The following CCDC127 variants were observed in gnomAD, a reference collection of about 807,000 sequenced individuals.
CCDC127 encodes the protein coiled-coil domain containing 127.
CCDC127 carries 2 observed loss-of-function variants against 4.1 expected under a neutral mutation model. The observed-to-expected ratio is 0.49, with a 90% CI of 0.20 to 1.53. CCDC127 has a LOEUF of 1.53. CCDC127 is among the 40% of genes most tolerant of loss of function. The pLI is 0.23. For missense variants in CCDC127, 271 were observed against 322.9 expected, an observed-to-expected ratio of 0.84 and a Z score of 1.23; for synonymous variants, 98 against 120.4, an observed-to-expected ratio of 0.81 and a Z score of 1.22.
intron 2 of CCDC127, among the ~76,000 whole-genome samples, chr5:207,811 G>A (rs945510005): frequency 5.9e-5 from 9 of 152,110 alleles, no homozygotes; most frequent in African/African-American, 2.2e-4. Flanking sequence ...GAGGGGTGGC[G>A]CCGAATCAAG....
chr5:215,943 C>T (rs1734372017), intron 2 of CCDC127: 1 of 142,458 alleles, frequency 7.0e-6, no homozygotes, highest in South Asian at 2.1e-4. Context: ...AAAGTGGTGC[C>T]AAGTCAATCT....
intron 2 of CCDC127, chr5:215,150 T>C (rs1038214665): frequency 1.3e-5 from 2 of 152,204 alleles, no homozygotes; most frequent in African/African-American, 4.8e-5. Flanking sequence ...TAGACTACAC[T>C]AGGGGCTGGT....
intron 2 of CCDC127, among the ~76,000 whole-genome samples, chr5:210,221 G>A (rs1204807127): frequency 3.3e-5 from 5 of 152,176 alleles, no homozygotes; most frequent in Non-Finnish European, 7.3e-5. Context: ...AAACCTTCAG[G>A]ATCTAGAGCT....
intron 1 of CCDC127, among the ~76,000 whole-genome samples, chr5:217,599 C>T (rs1288951645): frequency 1.3e-5 from 2 of 151,958 alleles, no homozygotes; most frequent in Non-Finnish European, 2.9e-5. Flanking sequence ...AAAGGGTCTT[C>T]TGATCAGAAG....
chr5:215,094 T>C (rs1158074644), intron 2 of CCDC127: 3 of 151,980 alleles, frequency 2.0e-5, no homozygotes, highest in Non-Finnish European at 4.4e-5. Context: ...CATCAATAAA[T>C]CAACCAATAG....
At position 205,056 on chromosome 5, in the gene CCDC127, C is replaced by A; in HGVS notation, c.*241G>T. 2.0e-6 allele frequency: 1 copy of A among 492,966 alleles called. No individual in the cohort carries two copies. 30.5% of individuals were successfully genotyped at this position (492,966 alleles called of 1,614,324 possible). A position where few individuals can be genotyped will look rare whatever the true frequency, so the allele number is the denominator to read the frequency against. ...ACTGTTCTGCTTAATACAATACTGG[C>A]AGCCTAAAAATGCTTCAAGAAACCA... On this transcript the variant is annotated 3_prime_UTR_variant, in exon 3 of 3. Coordinates refer to ENST00000296824, the MANE Select transcript of CCDC127 (RefSeq NM_145265.3).
chr5:202,944 T>G lies in CCDC127; in HGVS notation c.*2353A>C, dbSNP rs1010393766. 6 of 152,118 alleles carry G rather than the reference T, an allele frequency of 3.9e-5. No individual in the cohort carries two copies. The highest frequency in any genetic ancestry group is 2.1e-4 in the South Asian group (1 of 4,820). 9.4% of individuals were successfully genotyped at this position (152,118 alleles called of 1,614,324 possible). On this transcript the variant is annotated 3_prime_UTR_variant, in exon 3 of 3. Coordinates refer to ENST00000296824, the MANE Select transcript of CCDC127 (RefSeq NM_145265.3). ...GTCCAGATTTACCGAAAAAATGACT[T>G]TTTAGGGGCCGGGTGCCGTGGCCCA...
In CCDC127 at chr5:203,398, C is replaced by G. The variant is rs1018863800; in HGVS notation, c.*1899G>C. 6.6e-6 allele frequency: 1 copy of G among 152,250 alleles called. No individual in the cohort carries two copies. Among genetic ancestry groups the G allele is most frequent in the African/African-American group, 2.4e-5 (1 of 41,448 alleles). The allele number at this position is 152,250 out of a possible 1,614,324, so 9.4% of individuals were successfully genotyped here. On this transcript the variant is annotated 3_prime_UTR_variant, in exon 3 of 3. Coordinates refer to ENST00000296824, the MANE Select transcript of CCDC127 (RefSeq NM_145265.3). The stretch of plus-strand genomic sequence containing the variant: ...GGGTGAAGCATCTGAGCACCCTTAG[C>G]AGGGCGTGGGTGCCGAGAGCAGAGC...
rs1734009442 is a variant in CCDC127, at chr5:198,507, G to T, written c.*6790C>A. Reference sequence around the variant, plus strand: ...TGTCCTGAGGCCTGGGATTGGGCAGGGCACACAGGAGCCCACTGGTGTCAG... The same window carrying T: ...TGTCCTGAGGCCTGGGATTGGGCAGTGCACACAGGAGCCCACTGGTGTCAG... On this transcript the variant is annotated 3_prime_UTR_variant, in exon 3 of 3. Transcript: ENST00000296824. The T allele has an allele frequency of 6.6e-6, 1 of 152,278 alleles. No homozygotes were observed. The highest frequency in any genetic ancestry group is 1.5e-5 in the Non-Finnish European group (1 of 68,078). 9.4% of individuals were successfully genotyped at this position (152,278 alleles called of 1,614,324 possible).
rs1035780222 is a variant in CCDC127, at chr5:197,255, A to G, written c.*8042T>C. The G allele has an allele frequency of 3.9e-5, 6 of 152,212 alleles. No individual in the cohort carries two copies. Among genetic ancestry groups the G allele is most frequent in the African/African-American group, 1.4e-4 (6 of 41,436 alleles). 9.4% of individuals were successfully genotyped at this position (152,212 alleles called of 1,614,324 possible). A position where few individuals can be genotyped will look rare whatever the true frequency, so the allele number is the denominator to read the frequency against. On this transcript the variant is annotated 3_prime_UTR_variant, in exon 3 of 3. Transcript: ENST00000296824. Reference sequence around the variant, plus strand: ...GTACAATCGGGTTTTACACCGCGACATTCAGTTCCCAGCGGCGAGCAGGAG... The same window carrying G: ...GTACAATCGGGTTTTACACCGCGACGTTCAGTTCCCAGCGGCGAGCAGGAG...
At chr5:217,352 CA>C (rs1181415027) in intron 1 of CCDC127, 2 of 157,028 alleles carry the variant, frequency 1.3e-5, no homozygotes, top group Non-Finnish European at 2.8e-5. Flanking sequence ...TGCTCAGATA[CA>C]TGGTTAAGCA....
At chr5:207,968 GT>G (rs1358747902) in intron 2 of CCDC127, among the ~76,000 whole-genome samples, 1 of 152,078 alleles carries the variant, frequency 6.6e-6, no homozygotes, top group Non-Finnish European at 1.5e-5. Flanking sequence ...GTGGTTACTG[GT>G]AAGTTTTTGG....
chr5:213,775 A>C lies in CCDC127; in HGVS notation c.121+2954T>G, dbSNP rs1050161630. The C allele has an allele frequency of 2.2e-5, 3 of 138,688 alleles. No homozygotes were observed. In the East Asian group the frequency reaches 5.8e-4, roughly 27 times the overall value. 8.6% of individuals were successfully genotyped at this position (138,688 alleles called of 1,614,324 possible). ...ACCTAAAACGGTGCAGCAACTCGGG[A>C]AACATTTCAGCCCTTCTTAAAAAAC... On this transcript the variant is annotated intron_variant, in intron 2 of 2. Transcript: ENST00000296824.
In CCDC127 at chr5:205,360, G is replaced by A. The variant is rs745859188; in HGVS notation, c.720C>T (p.Tyr240=). 3.7e-6 allele frequency: 6 copies of A among 1,614,050 alleles called. No individual in the cohort carries two copies. The South Asian group carries it at 6.6e-5, about 18-fold the overall frequency. ...NGRLMWLYLK[Y]WELVVELKKF... ...TCTTCAGTTCGACAACGAGTTCCCA[G>A]TATTTGAGATAGAGCCACATGAGTC... Residue 240 remains tyrosine, a synonymous_variant, in exon 3 of 3, where the codon TAC becomes TAT. Transcript: ENST00000296824.
rs563443456 is a variant in CCDC127 at position 197,256 on chromosome 5, T to C, written c.*8041A>G. On this transcript the variant is annotated 3_prime_UTR_variant, in exon 3 of 3. Coordinates refer to ENST00000296824, the MANE Select transcript of CCDC127 (RefSeq NM_145265.3). ...TACAATCGGGTTTTACACCGCGACA[T>C]TCAGTTCCCAGCGGCGAGCAGGAGA... 2 of 152,332 alleles carry C rather than the reference T, an allele frequency of 1.3e-5. No homozygotes were observed. Among genetic ancestry groups the C allele is most frequent in the East Asian group, 3.9e-4 (2 of 5,164 alleles). The allele number at this position is 152,332 out of a possible 1,614,324, so 9.4% of individuals were successfully genotyped here.
Position 196,994 on chromosome 5 carries a change from T to C in CCDC127, c.*8303A>G, listed in dbSNP as rs922538557. 5.3e-5 allele frequency: 8 copies of C among 151,118 alleles called. No homozygotes were observed. The highest frequency in any genetic ancestry group is 1.9e-4 in the East Asian group (1 of 5,176). The allele number at this position is 151,118 out of a possible 1,614,324, so 9.4% of individuals were successfully genotyped here. A position where few individuals can be genotyped will look rare whatever the true frequency, so the allele number is the denominator to read the frequency against. ...ATTATTTCAGCAAAAAGGAATGTAG[T>C]AGGAGAGCAGGGTGATAATAAGGAG... On this transcript the variant is annotated 3_prime_UTR_variant, in exon 3 of 3. Transcript: ENST00000296824.
chr5:209,119 G>A (rs1185701274), intron 2 of CCDC127, among the ~76,000 whole-genome samples: 1 of 151,326 alleles, frequency 6.6e-6, no homozygotes, highest in African/African-American at 2.4e-5. Flanking sequence ...ACCCTTCGCA[G>A]CCTGGCCACA....
At position 199,459 on chromosome 5, in the gene CCDC127, A is replaced by G. The variant is rs1222807320; in HGVS notation, c.*5838T>C. 1 of 152,672 alleles carries G rather than the reference A, an allele frequency of 6.5e-6. No individual in the cohort carries two copies. Among genetic ancestry groups the G allele is most frequent in the Non-Finnish European group, 1.5e-5 (1 of 68,448 alleles). 9.5% of individuals were successfully genotyped at this position (152,672 alleles called of 1,614,324 possible). A position where few individuals can be genotyped will look rare whatever the true frequency, so the allele number is the denominator to read the frequency against. ...TGAGCAAGGCTCCATCATCTGCTGCATGCTGGAGTCCCACTATCCATCAGC... is the reference window on the plus strand; with the variant it reads ...TGAGCAAGGCTCCATCATCTGCTGCGTGCTGGAGTCCCACTATCCATCAGC... On this transcript the variant is annotated 3_prime_UTR_variant, in exon 3 of 3. Coordinates refer to ENST00000296824, the MANE Select transcript of CCDC127 (RefSeq NM_145265.3).
At chr5:207,099 C>A (rs1734191211) in intron 2 of CCDC127, among the ~76,000 whole-genome samples, 2 of 152,270 alleles carry the variant, frequency 1.3e-5, no homozygotes, top group South Asian at 2.1e-4. Context: ...TTAATGGTCA[C>A]CTTTTTCTTC....
Sources: allele counts gnomAD v4.1 joint callset (sites outside exome capture counted in the v4.1 genomes callset), GRCh38; gene constraint gnomAD v4.1.1; transcripts MANE v1.5; gene names NCBI Gene and HGNC (gene_info 2026-07-23, HGNC 2026-07-21).